The following SLC35F3 variants were observed in gnomAD, a reference collection of about 807,000 sequenced individuals.
SLC35F3 encodes the protein putative thiamine transporter SLC35F3.
In SLC35F3, 25 loss-of-function variants were observed where a neutral mutation model predicts 49.9. That is an observed-to-expected ratio of 0.50 (90% CI 0.37 to 0.70). The LOEUF (loss-of-function observed/expected upper bound fraction) is 0.70. Ranked by LOEUF, SLC35F3 falls within the 30% of genes least tolerant of loss-of-function variation. SLC35F3 has a pLI of 0.00. For missense variants in SLC35F3, 525 were observed against 639.8 expected, an observed-to-expected ratio of 0.82 and a Z score of 1.94; for synonymous variants, 275 against 265.4, an observed-to-expected ratio of 1.04 and a Z score of -0.35.
At chr1:234,310,826 G>A (rs1246051469) in intron 4 of SLC35F3, among the ~76,000 whole-genome samples, 1 of 152,210 alleles carries the variant, frequency 6.6e-6, no homozygotes, top group East Asian at 1.9e-4. Context: ...AGAAGGAGGT[G>A]TGAAAAACTT....
chr1:234,037,036 G>A (rs181646813), intron 2 of SLC35F3, among the ~76,000 whole-genome samples: 44 of 152,272 alleles, frequency 2.9e-4, no homozygotes, highest in Non-Finnish European at 5.7e-4. Flanking sequence ...AAGCCTACTC[G>A]ATGTTAGATA....
chr1:233,982,109 G>C (rs1420858469), intron 2 of SLC35F3, among the ~76,000 whole-genome samples: 4 of 152,174 alleles, frequency 2.6e-5, no homozygotes, highest in Non-Finnish European at 5.9e-5. Flanking sequence ...ATTTTTAGTA[G>C]AGATGGGGTT....
chr1:234,185,640 G>A lies in SLC35F3; in HGVS notation c.284-45777G>A, dbSNP rs191130885. 7.1e-3 allele frequency among the ~76,000 whole-genome samples: 1,077 copies of A among 152,266 alleles called. 6 individuals carry two copies. The highest frequency in any genetic ancestry group is 0.012 in the Non-Finnish European group (783 of 68,010). On this transcript the variant is annotated intron_variant, in intron 2 of 7. Coordinates refer to ENST00000366618, the MANE Select transcript of SLC35F3 (RefSeq NM_173508.4). Reference sequence around the variant, plus strand: ...TCCTCCCCTGGGGCCACTCTGAAAAGCCATCTCTGCTTTACAGAATACCCA... The same window carrying A: ...TCCTCCCCTGGGGCCACTCTGAAAAACCATCTCTGCTTTACAGAATACCCA...
chr1:234,044,796 G>A (rs4381263), intron 2 of SLC35F3, among the ~76,000 whole-genome samples: 232 of 152,034 alleles, frequency 1.5e-3, no homozygotes, highest in Middle Eastern at 0.01. Context: ...ACAGCTCTTC[G>A]TAAGTTCTGA....
intron 3 of SLC35F3, among the ~76,000 whole-genome samples, chr1:234,294,186 C>T (rs1401631255): frequency 1.3e-5 from 2 of 152,158 alleles, no homozygotes; most frequent in African/African-American, 4.8e-5. Context: ...GAATAAACCC[C>T]AAATCCACAT....
chr1:234,033,563 C>T (rs970801493), intron 2 of SLC35F3, among the ~76,000 whole-genome samples: 1 of 152,158 alleles, frequency 6.6e-6, no homozygotes, highest in Non-Finnish European at 1.5e-5. Flanking sequence ...CAGTTTCATT[C>T]TTCTACATGT....
At chr1:234,009,326 A>C (rs1366941908) in intron 2 of SLC35F3, among the ~76,000 whole-genome samples, 1 of 152,104 alleles carries the variant, frequency 6.6e-6, no homozygotes. Flanking sequence ...ATTTTCTTGG[A>C]TATTTCTTAT....
intron 2 of SLC35F3, among the ~76,000 whole-genome samples, chr1:234,100,989 C>A (rs1665205751): frequency 6.6e-6 from 1 of 152,178 alleles, no homozygotes; most frequent in Admixed American, 6.5e-5. Flanking sequence ...ACCAACCACA[C>A]CTCAACCACT....
intron 3 of SLC35F3, among the ~76,000 whole-genome samples, chr1:234,266,875 T>TG (rs1218082979): frequency 7.2e-6 from 1 of 139,182 alleles, no homozygotes; most frequent in East Asian, 2.0e-4. Context: ...AGCACATGGT[T>TG]TTTTTTTTTT....
chr1:234,007,278 A>C lies in SLC35F3; in HGVS notation c.283+101520A>C, dbSNP rs554989233. On this transcript the variant is annotated intron_variant, in intron 2 of 7. Transcript: ENST00000366618. Reference sequence around the variant, plus strand: ...AAAGGTGATTTGGAGTGCTGAGTGAATGAGGATGCAGTTTTAATTAGGAGG... The same window carrying C: ...AAAGGTGATTTGGAGTGCTGAGTGACTGAGGATGCAGTTTTAATTAGGAGG... 3.3e-5 allele frequency among the ~76,000 whole-genome samples: 5 copies of C among 152,322 alleles called. No individual in the cohort carries two copies. The South Asian group carries it at 1.0e-3, about 32-fold the overall frequency.
At chr1:234,229,665 AATC>A (rs1395591730) in intron 2 of SLC35F3, among the ~76,000 whole-genome samples, 1 of 152,124 alleles carries the variant, frequency 6.6e-6, no homozygotes, top group Middle Eastern at 3.2e-3. Flanking sequence ...TCATCTCTAC[AATC>A]ATCTTTTCAG....
intron 3 of SLC35F3, chr1:234,268,603 A>G (rs188747769): frequency 1.1e-4 from 17 of 152,382 alleles, no homozygotes; most frequent in Admixed American, 3.9e-4. Context: ...AGTGTTTTTA[A>G]TAACAAAACA....
chr1:234,268,106 C>T (rs1194941381), intron 3 of SLC35F3, among the ~76,000 whole-genome samples: 1 of 151,972 alleles, frequency 6.6e-6, no homozygotes, highest in African/African-American at 2.4e-5. Flanking sequence ...AGGCAGGCGG[C>T]TGGGAGGTGG....
chr1:234,128,002 T>C (rs1665674750), intron 2 of SLC35F3, among the ~76,000 whole-genome samples: 3 of 152,118 alleles, frequency 2.0e-5, no homozygotes, highest in Admixed American at 2.0e-4. Flanking sequence ...GGACCTGACA[T>C]TGGGTTGGGA....
chr1:234,125,370 A>G (rs1450182779), intron 2 of SLC35F3, among the ~76,000 whole-genome samples: 2 of 152,158 alleles, frequency 1.3e-5, no homozygotes, highest in Admixed American at 6.5e-5. Flanking sequence ...CCTGCGCTAC[A>G]TCCAGGACCC....
chr1:234,291,776 G>A (rs752347483), intron 3 of SLC35F3, among the ~76,000 whole-genome samples: 7 of 152,176 alleles, frequency 4.6e-5, no homozygotes, highest in African/African-American at 1.2e-4. Flanking sequence ...TTGTATTTAC[G>A]CTAATTAGGG....
At chr1:234,009,141 A>G (rs983866678) in intron 2 of SLC35F3, among the ~76,000 whole-genome samples, 9 of 152,216 alleles carry the variant, frequency 5.9e-5, no homozygotes, top group African/African-American at 1.9e-4. Context: ...TATCTATCGA[A>G]AAAAAGCAGA....
intron 2 of SLC35F3, among the ~76,000 whole-genome samples, chr1:234,074,794 T>G (rs1484198229): frequency 6.6e-6 from 1 of 152,202 alleles, no homozygotes; most frequent in Non-Finnish European, 1.5e-5. Context: ...GCATGTTATT[T>G]TCATTTGGTA....
intron 2 of SLC35F3, among the ~76,000 whole-genome samples, chr1:233,915,482 G>C (rs1465878618): frequency 6.6e-6 from 1 of 152,138 alleles, no homozygotes; most frequent in African/African-American, 2.4e-5. Context: ...GGATCTCAAG[G>C]CTGCAGTGAC....
Sources: allele counts gnomAD v4.1 joint callset (sites outside exome capture counted in the v4.1 genomes callset), GRCh38; gene constraint gnomAD v4.1.1; transcripts MANE v1.5; gene names NCBI Gene and HGNC (gene_info 2026-07-23, HGNC 2026-07-21).